Variants in PLEKHB2 observed in about 807,000 individuals in gnomAD.
PLEKHB2 encodes pleckstrin homology domain-containing family B member 2.
Under a neutral mutation model 36.5 loss-of-function variants are expected in PLEKHB2, and 31 were observed. The observed-to-expected ratio is 0.85, with a 90% CI of 0.64 to 1.15. The LOEUF (loss-of-function observed/expected upper bound fraction) is 1.15, where lower values mean the gene tolerates loss of function less well. PLEKHB2 is among the 50% of genes most tolerant of loss of function. PLEKHB2 has a pLI of 0.00. For synonymous variants in PLEKHB2, 119 were observed against 112.0 expected (o/e 1.06, Z -0.39); for missense variants, 262 against 295.3 (o/e 0.89, Z 0.83).
In PLEKHB2 at chr2:131,149,174, A is replaced by G. The variant is rs538338966; in HGVS notation, c.*2401A>G. ...GTGACTTGATCCTGGTATGAAATGC[A>G]TACTGGGTATAAGGTTGCTCAGGTA... is the stretch of plus-strand genomic sequence containing the variant. On this transcript the variant is annotated 3_prime_UTR_variant, in exon 8 of 8. Transcript: ENST00000693505. The G allele has an allele frequency of 1.1e-4, 16 of 152,336 alleles. No individual in the cohort carries two copies. The highest frequency in any genetic ancestry group is 3.8e-4 in the African/African-American group (16 of 41,582). The allele number at this position is 152,336 out of a possible 1,614,324, so 9.4% of individuals were successfully genotyped here.
chr2:131,145,818 GGTTT>G (rs1425686650), intron 7 of PLEKHB2, among the ~76,000 whole-genome samples: 4 of 152,032 alleles, frequency 2.6e-5, no homozygotes, highest in Non-Finnish European at 4.4e-5. Context: ...ATTTGTCTGT[GGTTT>G]GTTTTTTTGA....
At chr2:131,137,212 G>C (rs760228959) in intron 6 of PLEKHB2, among the ~76,000 whole-genome samples, 27 of 152,220 alleles carry the variant, frequency 1.8e-4, no homozygotes, top group Non-Finnish European at 3.4e-4. Flanking sequence ...CTCCCAGAGT[G>C]CTGGGATTAC....
At chr2:131,142,910 G>C (rs1698938230) in intron 7 of PLEKHB2, among the ~76,000 whole-genome samples, 1 of 152,050 alleles carries the variant, frequency 6.6e-6, no homozygotes. Context: ...CTATATGCAG[G>C]CAGGCCCCAA....
In PLEKHB2 at chr2:131,125,884, C is replaced by T. The variant is rs150558543; in HGVS notation, c.169C>T (p.Arg57Cys). 6.9e-5 allele frequency: 111 copies of T among 1,613,268 alleles called. No individual in the cohort carries two copies. In the African/African-American group the frequency reaches 1.2e-3, roughly 17 times the overall value. ...VHMPMDCINI[R>C]TGQECRDTQP... ...CATGCCAATGGACTGCATCAACATC[C>T]GCACGGGGCAGGAATGTCGGGGTAA... Residue 57 changes from arginine to cysteine, a missense_variant, in exon 3 of 8, where the codon CGC becomes TGC. Coordinates refer to ENST00000693505, the MANE Select transcript of PLEKHB2 (RefSeq NM_001100623.2).
intron 6 of PLEKHB2, among the ~76,000 whole-genome samples, chr2:131,133,963 G>C (rs1229120219): frequency 6.7e-6 from 1 of 148,606 alleles, no homozygotes; most frequent in African/African-American, 2.5e-5. Flanking sequence ...GCAGTGGCTC[G>C]ATCTCGGCTC....
chr2:131,105,924 C>T (rs1205364758), intron 1 of PLEKHB2, among the ~76,000 whole-genome samples: 1 of 151,762 alleles, frequency 6.6e-6, no homozygotes, highest in African/African-American at 2.4e-5. Context: ...TCTCAGTTCT[C>T]CTGCCCAGAG....
intron 6 of PLEKHB2, among the ~76,000 whole-genome samples, chr2:131,134,002 G>A (rs1322854030): frequency 6.7e-6 from 1 of 150,282 alleles, no homozygotes; most frequent in African/African-American, 2.5e-5. Context: ...TGGGTTCTCG[G>A]CATTCTCCTG....
At chr2:131,134,464 T>A (rs1698036718) in intron 6 of PLEKHB2, among the ~76,000 whole-genome samples, 1 of 152,166 alleles carries the variant, frequency 6.6e-6, no homozygotes, top group Admixed American at 6.5e-5. Flanking sequence ...TATAGTGAGG[T>A]TTTATAATTA....
chr2:131,146,826 A>G lies in PLEKHB2; in HGVS notation c.*53A>G, dbSNP rs1040279038. ...TTCTGATAACCCTGTGTGCAATAAT[A>G]TGATTTGCAGGGCATTTCTGTTTGT... On this transcript the variant is annotated 3_prime_UTR_variant, in exon 8 of 8. Transcript: ENST00000693505. 12 of 1,451,600 alleles carry G rather than the reference A, an allele frequency of 8.3e-6. No homozygotes were observed. In the East Asian group the frequency reaches 1.7e-4, roughly 20 times the overall value. The allele number at this position is 1,451,600 out of a possible 1,614,324, so 89.9% of individuals were successfully genotyped here. A position where few individuals can be genotyped will look rare whatever the true frequency, so the allele number is the denominator to read the frequency against.
In PLEKHB2 at chr2:131,147,086, T is replaced by TA. The variant is rs930705647; in HGVS notation, c.*315dup. On this transcript the variant is annotated 3_prime_UTR_variant, in exon 8 of 8. Transcript: ENST00000693505. ...TCTTTTTAGAGTTAGGTGTAGTGCT[T>TA]AAGGGTTAATTTATTTTCATGTTAT... 79 of 205,600 alleles carry TA rather than the reference T, an allele frequency of 3.8e-4. No homozygotes were observed. The highest frequency in any genetic ancestry group is 1.7e-3 in the African/African-American group (75 of 43,572). 12.7% of individuals were successfully genotyped at this position (205,600 alleles called of 1,614,324 possible).
rs184880343 is a variant in PLEKHB2, at chr2:131,149,258, C to G, written c.*2485C>G. On this transcript the variant is annotated 3_prime_UTR_variant, in exon 8 of 8. Transcript: ENST00000693505. ...CAATGTTTTGATAGCCTCAGTTTCTCAACGATGTCTTTTGTTTACAGTGCT... is the reference window on the plus strand; with the variant it reads ...CAATGTTTTGATAGCCTCAGTTTCTGAACGATGTCTTTTGTTTACAGTGCT... The G allele has an allele frequency of 1.6e-4, 25 of 152,320 alleles. No individual in the cohort carries two copies. The highest frequency in any genetic ancestry group is 5.8e-4 in the African/African-American group (24 of 41,554). The allele number at this position is 152,320 out of a possible 1,614,324, so 9.4% of individuals were successfully genotyped here. A position where few individuals can be genotyped will look rare whatever the true frequency, so the allele number is the denominator to read the frequency against.
chr2:131,149,223 C>A lies in PLEKHB2; in HGVS notation c.*2450C>A, dbSNP rs894912447. 3.9e-5 allele frequency: 6 copies of A among 152,330 alleles called. No individual in the cohort carries two copies. In the South Asian group the frequency reaches 6.2e-4, roughly 16 times the overall value. The allele number at this position is 152,330 out of a possible 1,614,324, so 9.4% of individuals were successfully genotyped here. On this transcript the variant is annotated 3_prime_UTR_variant, in exon 8 of 8. Transcript: ENST00000693505. ...TATTTTATTTCCTTGGCCACAACTC[C>A]CATAGATGCCAATGTTTTGATAGCC...
intron 7 of PLEKHB2, among the ~76,000 whole-genome samples, chr2:131,141,519 AGTTCCAGCTACTC>A (rs2104967234): frequency 6.6e-6 from 1 of 151,770 alleles, no homozygotes; most frequent in South Asian, 2.1e-4. Flanking sequence ...GGGCACCTAT[AGTTCCAGCTACTC>A]GGGAGGCTGA....
intron 4 of PLEKHB2, among the ~76,000 whole-genome samples, chr2:131,128,568 CT>C (rs1697329393): frequency 6.6e-6 from 1 of 152,138 alleles, no homozygotes; most frequent in Admixed American, 6.6e-5. Context: ...TGTTTCTTTT[CT>C]GCTCTTTTGT....
intron 2 of PLEKHB2, among the ~76,000 whole-genome samples, 166 bp from the exon 3 acceptor site, chr2:131,125,587 C>A (rs978404632): frequency 6.6e-6 from 1 of 152,062 alleles, no homozygotes; most frequent in African/African-American, 2.4e-5. Context: ...TGCCTGTAGT[C>A]GCAGCTAAAC....
At chr2:131,113,477 AAC>A (rs1184092298) in intron 1 of PLEKHB2, among the ~76,000 whole-genome samples, 3 of 152,136 alleles carry the variant, frequency 2.0e-5, no homozygotes, top group African/African-American at 7.2e-5. Context: ...GCAGAGGAAA[AAC>A]AGTATTTTTT....
At chr2:131,142,846 G>A (rs182657305) in intron 7 of PLEKHB2, among the ~76,000 whole-genome samples, 82 of 152,142 alleles carry the variant, frequency 5.4e-4, no homozygotes, top group Non-Finnish European at 2.2e-4. Flanking sequence ...GTGAGCCACC[G>A]TGCCTGGCCT....
At chr2:131,145,949 G>A (rs1220288176) in intron 7 of PLEKHB2, among the ~76,000 whole-genome samples, 1 of 152,084 alleles carries the variant, frequency 6.6e-6, no homozygotes, top group African/African-American at 2.4e-5. Flanking sequence ...TTGGGAGGCC[G>A]ACGCGGGTGG....
rs1699436325 is a variant in PLEKHB2 at position 131,148,152 on chromosome 2, G to C, written c.*1379G>C. On this transcript the variant is annotated 3_prime_UTR_variant, in exon 8 of 8. Transcript: ENST00000693505. ...GTTATGGATGGGATATGGGGCCCAGGGACCCTCAGGACACAGGGACCGGCT... is the reference window on the plus strand; with the variant it reads ...GTTATGGATGGGATATGGGGCCCAGCGACCCTCAGGACACAGGGACCGGCT... 1 of 152,180 alleles carries C rather than the reference G, an allele frequency of 6.6e-6. No homozygotes were observed. Among genetic ancestry groups the C allele is most frequent in the Non-Finnish European group, 1.5e-5 (1 of 68,114 alleles). The allele number at this position is 152,180 out of a possible 1,614,324, so 9.4% of individuals were successfully genotyped here. A position where few individuals can be genotyped will look rare whatever the true frequency, so the allele number is the denominator to read the frequency against.
Sources: gnomAD v4.1 joint callset for allele counts (sites outside exome capture counted in the v4.1 genomes callset) on GRCh38, gnomAD v4.1.1 for gene constraint, MANE v1.5 for transcripts, NCBI Gene and HGNC (gene_info 2026-07-23, HGNC 2026-07-21) for gene names.